PCDHA7: variants seen among roughly 807,000 people sequenced by gnomAD.
PCDHA7 encodes protocadherin alpha-7.
Under a neutral mutation model 57.2 loss-of-function variants are expected in PCDHA7, and 37 were observed. The ratio of observed to expected loss-of-function variants is 0.65; its 90% confidence interval spans 0.50 to 0.85. PCDHA7 has a LOEUF of 0.85. Ranked by LOEUF, PCDHA7 falls within the 40% of genes least tolerant of loss-of-function variation. The probability of loss-of-function intolerance (pLI) is 0.00; values close to 1 mark genes in which losing one functional copy is unlikely to be tolerated. For missense variants in PCDHA7, 1,188 were observed against 1,241.8 expected (o/e 0.96, Z 0.65); for synonymous variants, 553 against 558.8 (o/e 0.99, Z 0.15).
chr5:140,957,257 T>C (rs2095345219), intron 1 of PCDHA7, among the ~76,000 whole-genome samples: 1 of 152,184 alleles, frequency 6.6e-6, no homozygotes, highest in Admixed American at 6.5e-5. Context: ...AATTTAAATA[T>C]GTAAGCACTA....
chr5:140,850,035 A>G, intron 1 of PCDHA7: 1 of 1,596,458 alleles, frequency 6.3e-7, no homozygotes, highest in Non-Finnish European at 8.6e-7. Flanking sequence ...GCACGCGGAG[A>G]GCGGCAAGGT....
intron 1 of PCDHA7, chr5:140,841,738 G>A (rs2150321831): frequency 1.9e-6 from 3 of 1,613,784 alleles, no homozygotes; most frequent in South Asian, 1.1e-5. Context: ...AAGACCAAAA[G>A]CTGTTTGTTT....
intron 1 of PCDHA7, chr5:140,864,345 G>A (rs2048432897): frequency 6.6e-6 from 1 of 152,130 alleles, no homozygotes; most frequent in Non-Finnish European, 1.5e-5. Flanking sequence ...TTTAAAACAT[G>A]TTTAAATGTT....
At chr5:141,006,033 G>A (rs1162099125) in intron 3 of PCDHA7, among the ~76,000 whole-genome samples, 1 of 151,252 alleles carries the variant, frequency 6.6e-6, no homozygotes, top group Non-Finnish European at 1.5e-5. Context: ...TAGTAAGAGG[G>A]AGATTTGTAG....
At chr5:140,954,650 C>G (rs2095069221) in intron 1 of PCDHA7, among the ~76,000 whole-genome samples, 1 of 151,902 alleles carries the variant, frequency 6.6e-6, no homozygotes, top group Non-Finnish European at 1.5e-5. Context: ...TGTTTAAGTT[C>G]CTTGTAGACT....
chr5:140,849,138 A>G (rs2150253056), intron 1 of PCDHA7: 1 of 1,337,178 alleles, frequency 7.5e-7, no homozygotes, highest in South Asian at 1.3e-5. Flanking sequence ...GCTCACGGCC[A>G]CCGATGGAGG....
intron 1 of PCDHA7, chr5:140,853,001 C>A (rs1254366907): frequency 3.9e-5 from 12 of 305,202 alleles, no homozygotes; most frequent in Non-Finnish European, 6.0e-5. Context: ...GCCTCAGCCT[C>A]CCGAGTAGCT....
chr5:140,983,629 T>C (rs2097059537), intron 3 of PCDHA7, among the ~76,000 whole-genome samples: 1 of 152,228 alleles, frequency 6.6e-6, no homozygotes, highest in African/African-American at 2.4e-5. Flanking sequence ...TTAAGAAATG[T>C]ACCCAAGTTC....
At chr5:140,881,143 A>G (rs1554171794) in intron 1 of PCDHA7, among the ~76,000 whole-genome samples, 1 of 152,228 alleles carries the variant, frequency 6.6e-6, no homozygotes, top group Non-Finnish European at 1.5e-5. Flanking sequence ...AGTTATAACA[A>G]TAGATAAAAG....
chr5:141,005,666 C>T (rs1304126376), intron 3 of PCDHA7, among the ~76,000 whole-genome samples: 2 of 130,134 alleles, frequency 1.5e-5, no homozygotes, highest in Non-Finnish European at 3.1e-5. Context: ...CGCGCCACTG[C>T]ACTCCAGCCT....
intron 1 of PCDHA7, among the ~76,000 whole-genome samples, chr5:140,926,202 G>T (rs1194252332): frequency 6.6e-6 from 1 of 151,658 alleles, no homozygotes; most frequent in East Asian, 1.9e-4. Flanking sequence ...TTCTTTCGGG[G>T]GGCTCCTGTT....
chr5:140,876,536 TG>T (rs781943442), intron 1 of PCDHA7: 1 of 1,614,238 alleles, frequency 6.2e-7, no homozygotes, highest in South Asian at 1.1e-5. Flanking sequence ...GTTACTTCAC[TG>T]TCGCTCCCTG....
chr5:140,843,238 A>C (rs1778702476), intron 1 of PCDHA7: 1 of 1,595,718 alleles, frequency 6.3e-7, no homozygotes, highest in Admixed American at 1.7e-5. Context: ...TCCTGGACGA[A>C]GCGGACTCTC....
In PCDHA7 at chr5:140,904,046, T is replaced by C. The variant is rs2153483198; in HGVS notation, c.2355+67308T>C. 2.0e-5 allele frequency among the ~76,000 whole-genome samples: 3 copies of C among 152,346 alleles called. No homozygotes were observed. The East Asian group carries it at 5.8e-4, about 29-fold the overall frequency. ...GTATAATTTAACTTTTTAATTTTTT[T>C]ATTTCAATGGGTTTTTGGGGAACAG... On this transcript the variant is annotated intron_variant, in intron 1 of 3. Coordinates refer to ENST00000525929, the MANE Select transcript of PCDHA7 (RefSeq NM_018910.3).
chr5:140,986,236 T>C (rs1213371307), intron 3 of PCDHA7, among the ~76,000 whole-genome samples: 1 of 152,170 alleles, frequency 6.6e-6, no homozygotes. Flanking sequence ...CCCCTCTGTG[T>C]GAGCAGACCC....
chr5:140,940,494 G>C (rs553813143), intron 1 of PCDHA7, among the ~76,000 whole-genome samples: 1 of 151,724 alleles, frequency 6.6e-6, no homozygotes, highest in East Asian at 1.9e-4. Context: ...GACAAGTCTT[G>C]CTCCGTCGCT....
chr5:140,946,326 A>T (rs1554217498), intron 1 of PCDHA7, among the ~76,000 whole-genome samples: 1 of 151,914 alleles, frequency 6.6e-6, no homozygotes, highest in East Asian at 1.9e-4. Context: ...GAAAGAGGAA[A>T]GATAACAAGT....
intron 1 of PCDHA7, among the ~76,000 whole-genome samples, chr5:140,910,875 C>A (rs1224657424): frequency 4.6e-5 from 7 of 152,184 alleles, no homozygotes; most frequent in Non-Finnish European, 7.3e-5. Flanking sequence ...TTATCCCACA[C>A]CCTTAATATC....
intron 1 of PCDHA7, among the ~76,000 whole-genome samples, chr5:140,905,419 C>T (rs2071826794): frequency 6.6e-6 from 1 of 152,158 alleles, no homozygotes; most frequent in South Asian, 2.1e-4. Flanking sequence ...CAGTACCATG[C>T]TGGTTTGATA....
Sources: gnomAD v4.1 joint callset for allele counts (sites outside exome capture counted in the v4.1 genomes callset) on GRCh38, gnomAD v4.1.1 for gene constraint, MANE v1.5 for transcripts, NCBI Gene and HGNC (gene_info 2026-07-23, HGNC 2026-07-21) for gene names.